The following TMEM185A variants were observed in gnomAD, a reference collection of about 807,000 sequenced individuals.
TMEM185A encodes the protein transmembrane protein 185A.
TMEM185A carries 9 observed loss-of-function variants against 25.0 expected under a neutral mutation model. That is an observed-to-expected ratio of 0.36 (90% CI 0.22 to 0.63). The LOEUF (loss-of-function observed/expected upper bound fraction) is 0.63. Among genes scored for constraint, TMEM185A ranks in the 20% least tolerant of loss-of-function variants. The pLI is 0.68. For missense variants in TMEM185A, 103 were observed against 237.4 expected (o/e 0.43, Z 3.72); for synonymous variants, 45 against 93.5 (o/e 0.48, Z 2.99).
intron 1 of TMEM185A, among the ~76,000 whole-genome samples, chrX:149,628,782 G>A (rs1434124619): frequency 8.9e-6 from 1 of 112,071 alleles, no homozygotes; most frequent in East Asian, 2.8e-4. Flanking sequence ...TCTCTCCAAA[G>A]CAATGGCTGC....
intron 4 of TMEM185A, chrX:149,601,355 A>G (rs1457681488): frequency 1.0e-5 from 1 of 98,066 alleles, no homozygotes; most frequent in Non-Finnish European, 2.0e-5. Flanking sequence ...AGATTCACAC[A>G]GCCGTTGGCA....
rs188030384 is a variant in TMEM185A, at chrX:149,613,323, C to T, written c.39-1860G>A. On this transcript the variant is annotated intron_variant, in intron 1 of 6. Transcript: ENST00000600449. ...GAAATGTGGTGGAAGAGAGATGAGG[C>T]AGAAGTCAGAGAGATTCCAGACTTG... is the stretch of plus-strand genomic sequence containing the variant. Among the ~76,000 whole-genome samples the T allele has an allele frequency of 3.7e-3, 419 of 112,023 alleles. 1 individual carries two copies. The highest frequency in any genetic ancestry group is 0.013 in the African/African-American group (387 of 30,792).
chrX:149,624,878 T>C (rs1557355879), intron 1 of TMEM185A, among the ~76,000 whole-genome samples: 1 of 112,097 alleles, frequency 8.9e-6, no homozygotes, highest in East Asian at 2.8e-4. Context: ...GGGTGAGTTA[T>C]TTTCCCCCAG....
At chrX:149,603,916 T>C in intron 4 of TMEM185A, 71 bp downstream of exon 4, 1 of 943,137 alleles carries the variant, frequency 1.1e-6, no homozygotes, top group Non-Finnish European at 1.5e-6. Context: ...TTTTCCAAGC[T>C]TTGTACAGTG....
intron 3 of TMEM185A, among the ~76,000 whole-genome samples, 179 bp from the exon 4 acceptor site, chrX:149,604,249 G>C (rs1479348131): frequency 1.8e-5 from 2 of 112,557 alleles, no homozygotes; most frequent in African/African-American, 6.5e-5. Context: ...ATTATGGCAA[G>C]GGGAAATGGG....
chrX:149,625,437 A>G (rs1214625993), intron 1 of TMEM185A, among the ~76,000 whole-genome samples: 2 of 112,774 alleles, frequency 1.8e-5, no homozygotes, highest in Non-Finnish European at 3.8e-5. Flanking sequence ...TATACATTCA[A>G]ATGAGATTTC....
chrX:149,617,175 A>G (rs1273459626), intron 1 of TMEM185A, among the ~76,000 whole-genome samples: 2 of 112,067 alleles, frequency 1.8e-5, no homozygotes, highest in Non-Finnish European at 3.8e-5. Flanking sequence ...TCCAAAACAC[A>G]TATGAAAAAA....
chrX:149,628,469 AAAG>A (rs1429361108), intron 1 of TMEM185A, among the ~76,000 whole-genome samples: 4 of 112,294 alleles, frequency 3.6e-5, no homozygotes, highest in Non-Finnish European at 5.6e-5. Context: ...GCAATTATGA[AAAG>A]AAGTTCATGA....
At chrX:149,622,875 T>A (rs782717892) in intron 1 of TMEM185A, among the ~76,000 whole-genome samples, 11 of 112,133 alleles carry the variant, frequency 9.8e-5, no homozygotes, top group African/African-American at 2.9e-4. Flanking sequence ...TCCAATTTTT[T>A]AAAAATTATT....
chrX:149,614,516 A>C (rs1247717867), intron 1 of TMEM185A, among the ~76,000 whole-genome samples: 1 of 111,413 alleles, frequency 9.0e-6, no homozygotes, highest in African/African-American at 3.3e-5. Flanking sequence ...ACATGGAGGT[A>C]AGGAACCTCC....
At chrX:149,605,718 G>A (rs1326506920) in intron 3 of TMEM185A, among the ~76,000 whole-genome samples, 6 of 112,067 alleles carry the variant, frequency 5.4e-5, no homozygotes, top group East Asian at 2.8e-4. Flanking sequence ...CCTGAATCCC[G>A]TGCCCACTTC....
chrX:149,625,597 G>A (rs782255894), intron 1 of TMEM185A, among the ~76,000 whole-genome samples: 3 of 112,332 alleles, frequency 2.7e-5, no homozygotes, highest in African/African-American at 6.5e-5. Context: ...AATTTTCACT[G>A]AGGGTGGATT....
chrX:149,603,904 T>A, intron 4 of TMEM185A, 83 bp downstream of exon 4: 1 of 845,116 alleles, frequency 1.2e-6, no homozygotes, highest in Non-Finnish European at 1.7e-6. Flanking sequence ...TGCTTGTCCG[T>A]CTTTTCCAAG....
chrX:149,611,145 A>G (rs1379540645), intron 2 of TMEM185A, 142 bp downstream of exon 2: 1 of 591,602 alleles, frequency 1.7e-6, no homozygotes, highest in Non-Finnish European at 2.6e-6. Context: ...AAAAACACAG[A>G]AGAGATCTGT....
chrX:149,610,352 C>T lies in TMEM185A; in HGVS notation c.215+935G>A, dbSNP rs140873345. Among the ~76,000 whole-genome samples, 375 of 90,182 alleles carry T rather than the reference C, an allele frequency of 4.2e-3. 6 individuals are homozygous for T. Among genetic ancestry groups the T allele is most frequent in the African/African-American group, 0.015 (357 of 23,599 alleles). The allele number at this position is 90,182 out of a possible 115,157, so 78.3% of individuals were successfully genotyped here. A position where few individuals can be genotyped will look rare whatever the true frequency, so the allele number is the denominator to read the frequency against. On this transcript the variant is annotated intron_variant, in intron 2 of 6. Coordinates refer to ENST00000600449, the MANE Select transcript of TMEM185A (RefSeq NM_032508.4). The stretch of plus-strand genomic sequence containing the variant: ...CCGAGGCAGGAGAATCACTTGAACC[C>T]GGGATGTGGAGGCTGCAGTGGGCCG...
chrX:149,606,769 C>T (rs2090053949), intron 3 of TMEM185A: 1 of 112,691 alleles, frequency 8.9e-6, no homozygotes, highest in African/African-American at 3.2e-5. Context: ...GAGGAGGGAG[C>T]TCAGCTCCTG....
intron 1 of TMEM185A, among the ~76,000 whole-genome samples, chrX:149,624,158 A>T (rs1978736980): frequency 8.9e-6 from 1 of 112,625 alleles, no homozygotes; most frequent in Admixed American, 9.4e-5. Flanking sequence ...CTACTTCTTA[A>T]AATTCACTTT....
intron 1 of TMEM185A, among the ~76,000 whole-genome samples, chrX:149,616,596 G>A (rs181861584): frequency 8.9e-6 from 1 of 111,790 alleles, no homozygotes; most frequent in Admixed American, 9.5e-5. Flanking sequence ...GTGATTGATT[G>A]CATTTATTGC....
rs1255882039 is a variant in TMEM185A, at chrX:149,605,431, A to T, written c.424-1361T>A. ...CCCATGTCACTTTCTATGGCCTCCCATGTCACTATGGCCTCCCATGTCACT... is the reference window on the plus strand; with the variant it reads ...CCCATGTCACTTTCTATGGCCTCCCTTGTCACTATGGCCTCCCATGTCACT... On this transcript the variant is annotated intron_variant, in intron 3 of 6. Coordinates refer to ENST00000600449, the MANE Select transcript of TMEM185A (RefSeq NM_032508.4). Among the ~76,000 whole-genome samples the T allele has an allele frequency of 1.1e-4, 9 of 79,751 alleles. No homozygotes were observed. In the East Asian group the frequency reaches 4.0e-3, roughly 35 times the overall value. 69.3% of individuals were successfully genotyped at this position (79,751 alleles called of 115,157 possible).
Sources: allele counts gnomAD v4.1 joint callset (sites outside exome capture counted in the v4.1 genomes callset), GRCh38; gene constraint gnomAD v4.1.1; transcripts MANE v1.5; gene names NCBI Gene and HGNC (gene_info 2026-07-23, HGNC 2026-07-21).